The following ERMARD variants were observed in gnomAD, a reference collection of about 807,000 sequenced individuals.
The protein encoded by ERMARD is endoplasmic reticulum membrane-associated RNA degradation protein.
Under a neutral mutation model 83.9 loss-of-function variants are expected in ERMARD, and 71 were observed. That is an observed-to-expected ratio of 0.85 (90% CI 0.70 to 1.03). The LOEUF is 1.03. ERMARD is among the 50% of genes least tolerant of loss of function. The probability of loss-of-function intolerance (pLI) is 0.00; values close to 1 mark genes in which losing one functional copy is unlikely to be tolerated. For synonymous variants in ERMARD, 284 were observed against 298.6 expected (o/e 0.95, Z 0.50); for missense variants, 838 against 810.9 (o/e 1.03, Z -0.41).
intron 8 of ERMARD, among the ~76,000 whole-genome samples, chr6:169,761,835 A>G (rs1008079720): frequency 1.3e-5 from 2 of 151,984 alleles, no homozygotes; most frequent in Non-Finnish European, 2.9e-5. Context: ...GGCATGCACC[A>G]CCACGCCTGG....
chr6:169,760,013 G>A (rs780764460), intron 7 of ERMARD, 39 bp downstream of exon 7: 91 of 1,612,070 alleles, frequency 5.6e-5, no homozygotes, highest in South Asian at 1.1e-4. Flanking sequence ...ATAGCTTTGC[G>A]TAGATATTTG....
At chr6:169,780,291 A>G (rs1338582351) in intron 17 of ERMARD, among the ~76,000 whole-genome samples, 5 of 152,176 alleles carry the variant, frequency 3.3e-5, no homozygotes, top group Non-Finnish European at 7.3e-5. Flanking sequence ...TCCGTTTGAC[A>G]GTCAAAAGTG....
intron 10 of ERMARD, chr6:169,767,633 A>G: frequency 5.8e-6 from 1 of 171,120 alleles, no homozygotes. Flanking sequence ...CATGCCACAC[A>G]GACACACACA....
At position 169,756,277 on chromosome 6, in the gene ERMARD, A is replaced by G; in HGVS notation, c.316-61A>G. On this transcript the variant is annotated intron_variant, in intron 3 of 17. Coordinates refer to ENST00000366773, the MANE Select transcript of ERMARD (RefSeq NM_018341.3). ...CGAGGTTTGAATTTCAATAAATAATATTGTTGCTTTGAGAAGTAGTTTCAG... is the reference window on the plus strand; with the variant it reads ...CGAGGTTTGAATTTCAATAAATAATGTTGTTGCTTTGAGAAGTAGTTTCAG... 3.0e-6 allele frequency: 3 copies of G among 1,015,848 alleles called. No homozygotes were observed. In the East Asian group the frequency reaches 7.9e-5, roughly 27 times the overall value. The allele number at this position is 1,015,848 out of a possible 1,614,324, so 62.9% of individuals were successfully genotyped here.
intron 5 of ERMARD, among the ~76,000 whole-genome samples, 178 bp from the exon 6 acceptor site, chr6:169,758,790 A>G (rs756736790): frequency 1.3e-5 from 2 of 152,206 alleles, no homozygotes; most frequent in Non-Finnish European, 2.9e-5. Context: ...ATGTACATGT[A>G]CAAAATGTGT....
At chr6:169,756,912 C>A (rs991854301) in intron 5 of ERMARD, 104 bp downstream of exon 5, 2 of 1,038,502 alleles carry the variant, frequency 1.9e-6, no homozygotes, top group Non-Finnish European at 2.9e-6. Flanking sequence ...ATTGGACTTA[C>A]GGTTTCACAT....
At chr6:169,771,143 G>T (rs1792866585) in intron 12 of ERMARD, 1 of 150,906 alleles carries the variant, frequency 6.6e-6, no homozygotes, top group Non-Finnish European at 1.5e-5. Context: ...GAGTGCAGTG[G>T]CGTGATCTCA....
chr6:169,760,717 C>T lies in ERMARD; in HGVS notation c.818C>T (p.Pro273Leu), dbSNP rs905901498. The T allele has an allele frequency of 2.5e-6, 4 of 1,613,496 alleles. No homozygotes were observed. In the African/African-American group the frequency reaches 4.0e-5, roughly 16 times the overall value. ...KSAFILKIML[P>L]YWEVALVKFK... is the part of the protein sequence containing the mutation. The stretch of plus-strand genomic sequence containing the variant: ...GCTTTTATATTAAAAATCATGTTAC[C>T]ATATTGGGAAGTTGCACTGGTCAAG... Residue 273 changes from proline (P) to leucine (L), a missense_variant, in exon 8 of 18, where the codon CCA becomes CTA. Physicochemically the swap from Pro to Leu is moderately conservative, Grantham distance 98 (BLOSUM62 -3). Transcript: ENST00000366773.
chr6:169,778,306 T>A (rs1460566049), intron 16 of ERMARD, among the ~76,000 whole-genome samples: 1 of 152,276 alleles, frequency 6.6e-6, no homozygotes, highest in Non-Finnish European at 1.5e-5. Flanking sequence ...CATACTATTT[T>A]AAATATTGTT....
chr6:169,755,690 A>G (rs533462607), intron 3 of ERMARD: 2 of 382,378 alleles, frequency 5.2e-6, no homozygotes, highest in Non-Finnish European at 9.4e-6. Flanking sequence ...GTGCCCATCC[A>G]AGGATAGAGG....
At position 169,760,253 on chromosome 6, in the gene ERMARD, G is replaced by A. The variant is rs112820009; in HGVS notation, c.742+279G>A. On this transcript the variant is annotated intron_variant, in intron 7 of 17. Coordinates refer to ENST00000366773, the MANE Select transcript of ERMARD (RefSeq NM_018341.3). ...TGCACTATGAGCAACAGTGGCCTCAGGCTGTTGTATGATGTACATTTTCTC... is the reference window on the plus strand; with the variant it reads ...TGCACTATGAGCAACAGTGGCCTCAAGCTGTTGTATGATGTACATTTTCTC... Among the ~76,000 whole-genome samples the A allele has an allele frequency of 9.3e-3, 1,423 of 152,282 alleles. 17 individuals carry two copies. The highest frequency in any genetic ancestry group is 0.032 in the African/African-American group (1,325 of 41,538).
chr6:169,776,501 C>G lies in ERMARD; in HGVS notation c.1567C>G (p.Leu523Val). Residue 523 changes from leucine (L) to valine (V), a missense_variant, in exon 16 of 18, where the codon CTG becomes GTG. Leu to Val is a conservative substitution (Grantham distance 32). Coordinates refer to ENST00000366773, the MANE Select transcript of ERMARD (RefSeq NM_018341.3). ...RELCSTPVPT[L>V]FCPRIVLEVL... ...GCTCTGCAGCACACCTGTTCCCACC[C>G]TGTTCTGCCCCAGGATTGTGCTGGA... 6.2e-7 allele frequency: 1 copy of G among 1,614,214 alleles called. No homozygotes were observed. Among genetic ancestry groups the G allele is most frequent in the Non-Finnish European group, 8.5e-7 (1 of 1,180,046 alleles).
At chr6:169,780,229 G>A (rs1370558016) in intron 17 of ERMARD, among the ~76,000 whole-genome samples, 2 of 152,058 alleles carry the variant, frequency 1.3e-5, no homozygotes, top group South Asian at 2.1e-4. Context: ...ATTGTAGGAC[G>A]CTCAGTAGCA....
intron 1 of ERMARD, chr6:169,753,192 A>AG (rs1790358596): frequency 6.5e-6 from 1 of 154,408 alleles, no homozygotes; most frequent in South Asian, 2.0e-4. Flanking sequence ...GTAAGTCTAA[A>AG]GTTATCCCCA....
At chr6:169,776,237 C>T (rs2128365468) in intron 15 of ERMARD, 172 bp downstream of exon 15, 3 of 1,521,564 alleles carry the variant, frequency 2.0e-6, no homozygotes, top group Admixed American at 3.9e-5. Flanking sequence ...TCTGTGCAAG[C>T]TTGGCACATC....
At chr6:169,776,967 G>A (rs1181452073) in intron 16 of ERMARD, among the ~76,000 whole-genome samples, 1 of 152,210 alleles carries the variant, frequency 6.6e-6, no homozygotes, top group Non-Finnish European at 1.5e-5. Flanking sequence ...ACACATTTTA[G>A]GGAGACATAA....
intron 9 of ERMARD, among the ~76,000 whole-genome samples, chr6:169,764,176 G>A (rs188425329): frequency 4.3e-4 from 66 of 151,934 alleles, no homozygotes; most frequent in Admixed American, 7.2e-4. Flanking sequence ...CTGGCTCCTC[G>A]GCCCACCCGA....
intron 12 of ERMARD, 92 bp from the exon 13 acceptor site, chr6:169,773,227 A>C: frequency 1.0e-6 from 1 of 965,834 alleles, no homozygotes; most frequent in Non-Finnish European, 1.6e-6. Context: ...AAAGATAATG[A>C]GAAATGGGGA....
intron 1 of ERMARD, 101 bp from the exon 2 acceptor site, chr6:169,753,763 A>G (rs956276340): frequency 2.4e-5 from 20 of 819,306 alleles, no homozygotes; most frequent in Middle Eastern, 7.7e-4. Context: ...AACAGCAACT[A>G]TACCTGAGTG....
Sources: gnomAD v4.1 joint callset for allele counts (sites outside exome capture counted in the v4.1 genomes callset) on GRCh38, gnomAD v4.1.1 for gene constraint, MANE v1.5 for transcripts, NCBI Gene and HGNC (gene_info 2026-07-23, HGNC 2026-07-21) for gene names.